The following IL19 variants were observed in gnomAD, a reference collection of about 807,000 sequenced individuals.
IL19 encodes interleukin-19.
Under a neutral mutation model 19.5 loss-of-function variants are expected in IL19, and 15 were observed. The ratio of observed to expected loss-of-function variants is 0.77; its 90% CI spans 0.52 to 1.19. IL19 has a LOEUF of 1.19. Ranked by LOEUF, IL19 falls within the 50% of genes most tolerant of loss-of-function variation. IL19 has a pLI of 0.00. For synonymous variants in IL19, 78 were observed against 78.3 expected, an observed-to-expected ratio of 1.00 and a Z score of 0.02; for missense variants, 199 against 213.1, an observed-to-expected ratio of 0.93 and a Z score of 0.41.
intron 2 of IL19, among the ~76,000 whole-genome samples, chr1:206,831,378 C>T (rs192825811): frequency 6.6e-6 from 1 of 152,118 alleles, no homozygotes; most frequent in Non-Finnish European, 1.5e-5. Flanking sequence ...CCCAGAAGTC[C>T]TAATTCTAAG....
chr1:206,800,199 ACAAAGT>A (rs1675644807), intron 2 of IL19, among the ~76,000 whole-genome samples: 1 of 152,222 alleles, frequency 6.6e-6, no homozygotes, highest in South Asian at 2.1e-4. Flanking sequence ...ACTGAACAAG[ACAAAGT>A]CCATACCCCA....
intron 2 of IL19, among the ~76,000 whole-genome samples, chr1:206,824,069 C>T (rs1336353499): frequency 1.3e-5 from 2 of 152,234 alleles, no homozygotes; most frequent in African/African-American, 4.8e-5. Context: ...AACTGCTGCT[C>T]CTGCTGCTCA....
chr1:206,814,119 T>C (rs191231110), intron 2 of IL19, among the ~76,000 whole-genome samples: 2 of 152,274 alleles, frequency 1.3e-5, no homozygotes, highest in African/African-American at 2.4e-5. Flanking sequence ...TTGTACCTAT[T>C]TGCATATATT....
rs1029829960 is a variant in IL19 at position 206,800,165 on chromosome 1, A to G, written c.-3+1159A>G. ...CCAATTTTTATTGAGTGCCTTCTAC[A>G]CACCAGACTGCTGAGGACACAACAC... is the stretch of plus-strand genomic sequence containing the variant. On this transcript the variant is annotated intron_variant, in intron 2 of 6. Transcript: ENST00000659997. Among the ~76,000 whole-genome samples, 9 of 152,230 alleles carry G rather than the reference A, an allele frequency of 5.9e-5. No individual in the cohort carries two copies. In the South Asian group the frequency reaches 6.2e-4, roughly 10 times the overall value.
At position 206,839,910 on chromosome 1, in the gene IL19, A is replaced by T; in HGVS notation, c.271A>T (p.Lys91Ter). ...LLAFYVDRVF[K>*]DHQEPNPKIL... ...GGCGTTCTACGTGGACAGGGTGTTCAAGGATCATCAGGAGCCAAACCCCAA... is the reference window on the plus strand; with the variant it reads ...GGCGTTCTACGTGGACAGGGTGTTCTAGGATCATCAGGAGCCAAACCCCAA... The change falls in exon 5 of 7, where the codon AAG becomes TAG. Residue 91 changes from lysine to a stop codon, truncating the protein, a stop_gained. Transcript: ENST00000659997. LOFTEE classifies it high-confidence loss of function. 2 of 1,614,106 alleles carry T rather than the reference A, an allele frequency of 1.2e-6. No homozygotes were observed. Among genetic ancestry groups the T allele is most frequent in the Non-Finnish European group, 1.7e-6 (2 of 1,179,956 alleles).
intron 1 of IL19, among the ~76,000 whole-genome samples, chr1:206,772,916 C>A (rs1674895428): frequency 6.6e-6 from 1 of 152,136 alleles, no homozygotes; most frequent in Admixed American, 6.5e-5. Flanking sequence ...GGATGAATAC[C>A]CAAGACTTCT....
intron 2 of IL19, among the ~76,000 whole-genome samples, chr1:206,831,867 T>A (rs1328402751): frequency 1.3e-5 from 2 of 152,252 alleles, no homozygotes; most frequent in Admixed American, 6.5e-5. Flanking sequence ...TCCCTTCCCC[T>A]GCAAGCTTCC....
chr1:206,811,196 G>A (rs530272039), intron 2 of IL19, among the ~76,000 whole-genome samples: 11 of 152,144 alleles, frequency 7.2e-5, no homozygotes, highest in South Asian at 2.1e-4. Context: ...AATTGATCAT[G>A]GTGCATCTAG....
intron 1 of IL19, chr1:206,771,339 C>G: frequency 6.2e-7 from 1 of 1,610,904 alleles, no homozygotes; most frequent in Non-Finnish European, 8.5e-7. Flanking sequence ...CCCCCAGCAC[C>G]CCGCCCCTGC....
At chr1:206,772,163 T>A in intron 1 of IL19, 2 of 938,970 alleles carry the variant, frequency 2.1e-6, no homozygotes, top group East Asian at 2.5e-5. Flanking sequence ...GGAATAGGTG[T>A]TGGGGATGGA....
chr1:206,809,799 C>T (rs532107273), intron 2 of IL19, among the ~76,000 whole-genome samples: 99 of 152,284 alleles, frequency 6.5e-4, no homozygotes, highest in African/African-American at 2.2e-3. Context: ...CATTAAATGA[C>T]TTGCAAGATA....
chr1:206,798,545 A>T (rs748207991), intron 1 of IL19, among the ~76,000 whole-genome samples: 17 of 150,622 alleles, frequency 1.1e-4, no homozygotes, highest in Non-Finnish European at 2.5e-4. Context: ...TTATATACAC[A>T]TTTTTTTTTC....
chr1:206,837,057 T>A, intron 4 of IL19, 34 bp downstream of exon 4: 1 of 1,528,302 alleles, frequency 6.5e-7, no homozygotes, highest in Admixed American at 1.7e-5. Flanking sequence ...CCAGTATTTT[T>A]ATCTTCATGT....
intron 2 of IL19, among the ~76,000 whole-genome samples, chr1:206,813,093 AAT>A (rs542695508): frequency 9.2e-4 from 140 of 152,324 alleles, no homozygotes; most frequent in Middle Eastern, 6.8e-3. Context: ...GGAGCAGTGT[AAT>A]GGATGCTAAA....
intron 2 of IL19, among the ~76,000 whole-genome samples, chr1:206,815,428 T>G (rs1413287348): frequency 6.6e-6 from 1 of 152,176 alleles, no homozygotes; most frequent in Non-Finnish European, 1.5e-5. Context: ...CAGCCAAAAT[T>G]TTACTCTTGA....
rs1674918721 is a variant in IL19, at chr1:206,773,616, G to GTGTGTC, written c.-149+2543_-149+2544insCTGTGT. On this transcript the variant is annotated intron_variant, in intron 1 of 6. Transcript: ENST00000659997. ...TGTGTGTGTGTGTGTGTGTGTGTGT[G>GTGTGTC]TGTGTGTGTGTGTGTAGAAGGTAAG... is the stretch of plus-strand genomic sequence containing the variant. Among the ~76,000 whole-genome samples, 3 of 151,688 alleles carry GTGTGTC rather than the reference G, an allele frequency of 2.0e-5. No individual in the cohort carries two copies. The South Asian group carries it at 6.3e-4, about 32-fold the overall frequency.
intron 1 of IL19, among the ~76,000 whole-genome samples, chr1:206,776,556 A>C (rs992505140): frequency 6.6e-6 from 1 of 151,998 alleles, no homozygotes; most frequent in African/African-American, 2.4e-5. Context: ...CCCCAACAGC[A>C]CTTGGGTTTT....
At chr1:206,780,911 C>T (rs927801121) in intron 1 of IL19, among the ~76,000 whole-genome samples, 3 of 152,222 alleles carry the variant, frequency 2.0e-5, no homozygotes, top group Admixed American at 6.5e-5. Flanking sequence ...ATCCATTAAA[C>T]AGTTATGAAT....
At position 206,770,836 on chromosome 1, in the gene IL19, T is replaced by C. The variant is rs1240154314; in HGVS notation, c.-391T>C. The C allele has an allele frequency of 4.9e-6, 7 of 1,418,136 alleles. No homozygotes were observed. Among genetic ancestry groups the C allele is most frequent in the African/African-American group, 4.2e-5 (3 of 71,456 alleles). 87.8% of individuals were successfully genotyped at this position (1,418,136 alleles called of 1,614,324 possible). ...TCTTTGCTGTGTCTGTGGATGTGAG[T>C]GTCCCTGCTGGTCTGTAGGAGATGG... On this transcript the variant is annotated 5_prime_UTR_variant, in exon 1 of 7. Coordinates refer to ENST00000659997, the MANE Select transcript of IL19 (RefSeq NM_153758.5).
Sources: allele counts gnomAD v4.1 joint callset (sites outside exome capture counted in the v4.1 genomes callset), GRCh38; gene constraint gnomAD v4.1.1; transcripts MANE v1.5; gene names NCBI Gene and HGNC (gene_info 2026-07-23, HGNC 2026-07-21).